Variants in CEMIP observed in about 807,000 individuals in gnomAD.
The protein encoded by CEMIP is cell migration inducing hyaluronidase 1, also known as cell migration-inducing and hyaluronan-binding protein.
In CEMIP, 105 loss-of-function variants were observed where a neutral mutation model predicts 156.9. That is an observed-to-expected ratio of 0.67 (90% CI 0.57 to 0.79). The LOEUF is 0.79. Ranked by LOEUF, CEMIP falls within the 30% of genes least tolerant of loss-of-function variation. CEMIP has a pLI of 0.00. For missense variants in CEMIP, 1,457 were observed against 1,769.4 expected, an observed-to-expected ratio of 0.82 and a Z score of 3.17; for synonymous variants, 676 against 668.4, an observed-to-expected ratio of 1.01 and a Z score of -0.17.
rs528770267 is a variant in CEMIP, at chr15:80,848,883, G to C, written c.-175-24655G>C. 5.4e-5 allele frequency among the ~76,000 whole-genome samples: 5 copies of C among 93,176 alleles called. No homozygotes were observed. The East Asian group carries it at 1.3e-3, about 25-fold the overall frequency. The allele number at this position is 93,176 out of a possible 152,430, so 61.1% of individuals were successfully genotyped here. A position where few individuals can be genotyped will look rare whatever the true frequency, so the allele number is the denominator to read the frequency against. On this transcript the variant is annotated intron_variant, in intron 1 of 29. Coordinates refer to ENST00000394685, the MANE Select transcript of CEMIP (RefSeq NM_001293298.2). ...CCTCCTCATGGTCAGTGTGTTCTCT[G>C]ATGAGCGTGTGCGCGTGCACACACA...
intron 12 of CEMIP, among the ~76,000 whole-genome samples, chr15:80,904,126 C>A (rs948141023): frequency 1.3e-5 from 2 of 152,204 alleles, no homozygotes; most frequent in Non-Finnish European, 2.9e-5. Context: ...ACCCCTTTGG[C>A]AGGGCACAGA....
intron 11 of CEMIP, among the ~76,000 whole-genome samples, 199 bp from the exon 12 acceptor site, chr15:80,895,670 G>A (rs1183293975): frequency 6.6e-6 from 1 of 152,168 alleles, no homozygotes; most frequent in Non-Finnish European, 1.5e-5. Flanking sequence ...CAGAGCTAAT[G>A]AATGGCTCTT....
At chr15:80,921,717 T>C (rs189601660) in intron 16 of CEMIP, among the ~76,000 whole-genome samples, 3 of 152,320 alleles carry the variant, frequency 2.0e-5, no homozygotes, top group Admixed American at 6.5e-5. Context: ...CCCCATTGTG[T>C]GTCAGGAAGA....
At chr15:80,944,764 G>A (rs897368641) in intron 28 of CEMIP, among the ~76,000 whole-genome samples, 2 of 152,170 alleles carry the variant, frequency 1.3e-5, no homozygotes, top group Non-Finnish European at 2.9e-5. Context: ...AGATCATGAC[G>A]TTTTGGGCAG....
intron 1 of CEMIP, among the ~76,000 whole-genome samples, chr15:80,833,999 G>T (rs1017427861): frequency 3.9e-5 from 6 of 152,174 alleles, no homozygotes; most frequent in African/African-American, 1.4e-4. Flanking sequence ...ATTGGGGCTG[G>T]ATGACTTTTT....
chr15:80,829,928 A>G (rs921221575), intron 1 of CEMIP, among the ~76,000 whole-genome samples: 2 of 151,074 alleles, frequency 1.3e-5, no homozygotes, highest in Non-Finnish European at 2.9e-5. Context: ...CTTGGGACTG[A>G]TGCTTCTTGA....
chr15:80,925,583 C>G (rs1300577032), intron 18 of CEMIP, 41 bp from the exon 19 acceptor site: 1 of 1,606,586 alleles, frequency 6.2e-7, no homozygotes, highest in Admixed American at 1.7e-5. Flanking sequence ...AGGCGTGCCC[C>G]CAACACCGCC....
intron 1 of CEMIP, among the ~76,000 whole-genome samples, chr15:80,850,044 T>C (rs1897675316): frequency 6.6e-6 from 1 of 152,112 alleles, no homozygotes; most frequent in Non-Finnish European, 1.5e-5. Flanking sequence ...ATAGTGAATA[T>C]GTGTTTGGGA....
intron 1 of CEMIP, among the ~76,000 whole-genome samples, chr15:80,797,722 T>TGC (rs1896267364): frequency 6.6e-6 from 1 of 152,184 alleles, no homozygotes. Flanking sequence ...CTTGGGTACT[T>TGC]AGGTGCCCAT....
At chr15:80,914,928 A>C (rs1231011836) in intron 14 of CEMIP, among the ~76,000 whole-genome samples, 1 of 151,816 alleles carries the variant, frequency 6.6e-6, no homozygotes, top group East Asian at 1.9e-4. Flanking sequence ...GGGGGTCGGA[A>C]AGGGGGAGTG....
intron 3 of CEMIP, among the ~76,000 whole-genome samples, chr15:80,875,892 A>G (rs1242554916): frequency 6.6e-6 from 1 of 152,000 alleles, no homozygotes; most frequent in Non-Finnish European, 1.5e-5. Context: ...CCAATCTTGC[A>G]CCTGCTGTGC....
At chr15:80,851,833 C>A (rs1897723162) in intron 1 of CEMIP, among the ~76,000 whole-genome samples, 2 of 152,080 alleles carry the variant, frequency 1.3e-5, no homozygotes, top group South Asian at 4.1e-4. Flanking sequence ...CCTCATACAG[C>A]AACACGGGTT....
intron 12 of CEMIP, chr15:80,896,268 C>A: frequency 1.4e-6 from 1 of 692,574 alleles, no homozygotes; most frequent in East Asian, 2.8e-5. Flanking sequence ...CTAGACTGAG[C>A]CTGACTCCAG....
rs773067476 is a variant in CEMIP at position 80,888,720 on chromosome 15, T to C, written c.888T>C (p.Ala296=). The C allele has an allele frequency of 1.1e-5, 18 of 1,614,044 alleles. No homozygotes were observed. The highest frequency in any genetic ancestry group is 1.7e-5 in the Admixed American group (1 of 60,000). Residue 296 remains alanine (A), a synonymous_variant, in exon 9 of 30, where the codon GCT becomes GCC. Coordinates refer to ENST00000394685, the MANE Select transcript of CEMIP (RefSeq NM_001293298.2). Reference sequence around the variant, plus strand: ...TGACAGGACATCGAGGCTCTGCTGCTGCCCGGGTATTCAAATTGTTCCAGA... The same window carrying C: ...TGACAGGACATCGAGGCTCTGCTGCCGCCCGGGTATTCAAATTGTTCCAGA... The part of the protein sequence containing the change: ...IEYHGHRGSA[A]ARVFKLFQTE...
chr15:80,920,869 T>C (rs1045635119), intron 15 of CEMIP, among the ~76,000 whole-genome samples, 163 bp from the exon 16 acceptor site: 11 of 152,256 alleles, frequency 7.2e-5, no homozygotes, highest in Non-Finnish European at 1.6e-4. Context: ...CACCACACTT[T>C]AATTAGAAAA....
chr15:80,857,517 C>G (rs538501511), intron 1 of CEMIP, among the ~76,000 whole-genome samples: 17 of 152,296 alleles, frequency 1.1e-4, no homozygotes, highest in African/African-American at 3.9e-4. Flanking sequence ...GCAGTTCTGA[C>G]TCCTTTCACG....
At chr15:80,918,839 G>T (rs186949599) in intron 14 of CEMIP, among the ~76,000 whole-genome samples, 9 of 152,088 alleles carry the variant, frequency 5.9e-5, no homozygotes, top group African/African-American at 1.9e-4. Context: ...GATTGGACAG[G>T]GGGGTGGGGC....
intron 1 of CEMIP, among the ~76,000 whole-genome samples, chr15:80,853,289 T>C (rs1196044785): frequency 2.6e-5 from 4 of 152,262 alleles, no homozygotes; most frequent in Non-Finnish European, 5.9e-5. Context: ...GGATTTATGA[T>C]AAGGACATAG....
rs1265186370 is a variant in CEMIP at position 80,949,110 on chromosome 15, T to C, written c.*186T>C. On this transcript the variant is annotated 3_prime_UTR_variant, in exon 30 of 30. Transcript: ENST00000394685. Reference sequence around the variant, plus strand: ...GTGCTGCCACCTGCCCCTACTCAAGTGTCTACCTGGAGCCCCTGGGGCGGT... The same window carrying C: ...GTGCTGCCACCTGCCCCTACTCAAGCGTCTACCTGGAGCCCCTGGGGCGGT... 4.0e-6 allele frequency: 3 copies of C among 755,594 alleles called. No individual in the cohort carries two copies. Among genetic ancestry groups the C allele is most frequent in the African/African-American group, 3.5e-5 (2 of 57,904 alleles). The allele number at this position is 755,594 out of a possible 1,614,324, so 46.8% of individuals were successfully genotyped here.
Sources: gnomAD v4.1 joint callset for allele counts (sites outside exome capture counted in the v4.1 genomes callset) on GRCh38, gnomAD v4.1.1 for gene constraint, MANE v1.5 for transcripts, NCBI Gene and HGNC (gene_info 2026-07-23, HGNC 2026-07-21) for gene names.